The following ASH1L variants were observed in gnomAD, a reference collection of about 807,000 sequenced individuals.
ASH1L encodes the protein ASH1 like histone lysine methyltransferase.
A neutral mutation model predicts 269.0 loss-of-function variants in ASH1L; 23 were observed. That is an observed-to-expected ratio of 0.09 (90% CI 0.06 to 0.12). ASH1L has a LOEUF of 0.12. ASH1L is among the 10% of genes least tolerant of loss of function. ASH1L has a pLI of 1.00. For synonymous variants in ASH1L, 1,187 were observed against 1,253.5 expected, an observed-to-expected ratio of 0.95 and a Z score of 1.12; for missense variants, 2,912 against 3,567.8, an observed-to-expected ratio of 0.82 and a Z score of 4.68.
chr1:155,487,180 A>G (rs759935321), intron 2 of ASH1L, among the ~76,000 whole-genome samples: 3 of 152,200 alleles, frequency 2.0e-5, no homozygotes, highest in African/African-American at 2.4e-5. Flanking sequence ...GCAAACAAAC[A>G]TACAAAAAGC....
intron 1 of ASH1L, among the ~76,000 whole-genome samples, chr1:155,532,876 T>C (rs1297223072): frequency 6.7e-6 from 1 of 148,556 alleles, no homozygotes; most frequent in African/African-American, 2.5e-5. Context: ...TATGTGTATA[T>C]ATATGTATAT....
rs1665784246 is a variant in ASH1L, at chr1:155,479,267, A to G, written c.3603T>C (p.Ser1201=). The G allele has an allele frequency of 1.9e-6, 3 of 1,613,912 alleles. No individual in the cohort carries two copies. In the South Asian group the frequency reaches 3.3e-5, roughly 18 times the overall value. ...TGCTGTTATTATCTGTTCCAATTCC[A>G]CTATCACTGGGAATGGTCTCATCAC... The part of the protein sequence containing the change: ...SHSDETIPSD[S]GIGTDNNSTS... The change falls in exon 3 of 28, where the codon AGT becomes AGC. Residue 1201 remains serine (S), a synonymous_variant. Coordinates refer to ENST00000392403, the MANE Select transcript of ASH1L (RefSeq NM_018489.3).
At chr1:155,396,372 T>G (rs953554744) in intron 6 of ASH1L, 3 of 152,084 alleles carry the variant, frequency 2.0e-5, no homozygotes, top group African/African-American at 7.2e-5. Flanking sequence ...CGGAGTGCAA[T>G]GGTGTGATCT....
intron 4 of ASH1L, among the ~76,000 whole-genome samples, chr1:155,454,510 G>C (rs979275904): frequency 6.6e-6 from 1 of 152,172 alleles, no homozygotes; most frequent in African/African-American, 2.4e-5. Context: ...GCTCAGGCCT[G>C]TAATCCCAGC....
chr1:155,527,444 C>G (rs537596861), intron 1 of ASH1L, among the ~76,000 whole-genome samples: 1 of 151,826 alleles, frequency 6.6e-6, no homozygotes, highest in South Asian at 2.1e-4. Context: ...ATGATCAATT[C>G]TCAGTCCTCT....
intron 7 of ASH1L, among the ~76,000 whole-genome samples, chr1:155,389,907 T>C (rs1657775946): frequency 6.8e-6 from 1 of 148,104 alleles, no homozygotes; most frequent in Non-Finnish European, 1.5e-5. Flanking sequence ...TGTGGATCTC[T>C]TTGGATTTTT....
intron 1 of ASH1L, among the ~76,000 whole-genome samples, chr1:155,557,443 G>T (rs1000614779): frequency 1.3e-5 from 2 of 149,332 alleles, no homozygotes; most frequent in African/African-American, 5.0e-5. Flanking sequence ...TGTTTTTTGG[G>T]TTTTTTTTTT....
At chr1:155,399,037 A>C (rs1232088707) in intron 6 of ASH1L, among the ~76,000 whole-genome samples, 1 of 152,080 alleles carries the variant, frequency 6.6e-6, no homozygotes, top group Non-Finnish European at 1.5e-5. Flanking sequence ...CCAGCCTACA[A>C]ACTTTTCAGG....
rs1660188590 is a variant in ASH1L at position 155,416,132 on chromosome 1, AT to A, written c.5829-210del. ...CTACTAGATACTTAGAGAAAATTTT[AT>A]TTTATTTTATTTTTTGAGTCGGAAT... On this transcript the variant is annotated intron_variant, in intron 5 of 27. Transcript: ENST00000392403. Among the ~76,000 whole-genome samples, 3 of 38,144 alleles carry A rather than the reference AT, an allele frequency of 7.9e-5. No homozygotes were observed. The Admixed American group carries it at 1.3e-3, about 16-fold the overall frequency. The allele number at this position is 38,144 out of a possible 152,430, so 25.0% of individuals were successfully genotyped here.
chr1:155,474,139 T>C (rs1665348437), intron 3 of ASH1L, among the ~76,000 whole-genome samples: 1 of 152,220 alleles, frequency 6.6e-6, no homozygotes, highest in Non-Finnish European at 1.5e-5. Context: ...TGGTCTAGTA[T>C]GTCTTTTTAA....
chr1:155,409,980 A>G (rs897722179), intron 6 of ASH1L, among the ~76,000 whole-genome samples: 9 of 151,996 alleles, frequency 5.9e-5, no homozygotes, highest in Non-Finnish European at 4.4e-5. Context: ...AGCCTGGCCA[A>G]TATGTGAAAC....
chr1:155,465,602 TAA>T, intron 3 of ASH1L, among the ~76,000 whole-genome samples: 1 of 152,342 alleles, frequency 6.6e-6, no homozygotes, highest in South Asian at 2.1e-4. Context: ...TAATTTACTT[TAA>T]AAGTTTCTAA....
rs1295557508 is a variant in ASH1L, at chr1:155,478,292, C to T, written c.4578G>A (p.Glu1526=). The T allele has an allele frequency of 1.2e-6, 2 of 1,614,134 alleles. No individual in the cohort carries two copies. The highest frequency in any genetic ancestry group is 1.7e-6 in the Non-Finnish European group (2 of 1,180,026). ...GGTGCTTTTCCTTATGCTTATATCG[C>T]TCTCCAACAGCATCCTTTCCAAATC... ...RYRFGKDAVG[E]RYKHKEKHRC... Residue 1526 remains glutamate (E), a synonymous_variant, in exon 3 of 28, where the codon GAG becomes GAA. Transcript: ENST00000392403. The surrounding 1 kb of genome is among the most constrained non-coding windows in gnomAD (Gnocchi z 4.6).
chr1:155,537,650 C>A (rs116230930), intron 1 of ASH1L, among the ~76,000 whole-genome samples: 1 of 152,050 alleles, frequency 6.6e-6, no homozygotes, highest in South Asian at 2.1e-4. Context: ...AATCTAAATT[C>A]GAAAACGAAC....
rs1268497542 is a variant in ASH1L at position 155,342,097 on chromosome 1, G to A, written c.8299C>T (p.Pro2767Ser). Reference sequence around the variant, plus strand: ...ACATCTTGCTCCTTTACTCCTTTGGGTCTCCCTATGGGTCCAACCAGTGTT... The same window carrying A: ...ACATCTTGCTCCTTTACTCCTTTGGATCTCCCTATGGGTCCAACCAGTGTT... ...LDLYTYCKGR[P>S]KGVKEQDVYI... The change falls in exon 25 of 28, where the codon CCC becomes TCC. Residue 2767 changes from proline to serine, a missense_variant. This residue lies in a region of ASH1L where 179 missense variants were observed against 293.8 expected (regional missense o/e 0.61). Transcript: ENST00000392403. 1 of 1,613,958 alleles carries A rather than the reference G, an allele frequency of 6.2e-7. No individual in the cohort carries two copies. Among genetic ancestry groups the A allele is most frequent in the African/African-American group, 1.3e-5 (1 of 74,888 alleles).
At chr1:155,380,986 T>C (rs1268264732) in intron 7 of ASH1L, among the ~76,000 whole-genome samples, 1 of 152,020 alleles carries the variant, frequency 6.6e-6, no homozygotes, top group Non-Finnish European at 1.5e-5. Context: ...AATGTTTTAG[T>C]CAACAATGGA....
intron 1 of ASH1L, chr1:155,561,930 A>C: frequency 8.6e-6 from 4 of 466,404 alleles, no homozygotes; most frequent in Non-Finnish European, 1.5e-5. Flanking sequence ...CTTACTTCCC[A>C]GCCCCCTCCG....
chr1:155,336,126 CTCTTT>C lies in ASH1L; in HGVS notation c.*1529_*1533del, dbSNP rs1652292142. The C allele has an allele frequency of 6.6e-6, 1 of 152,424 alleles. No homozygotes were observed. Among genetic ancestry groups the C allele is most frequent in the South Asian group, 2.1e-4 (1 of 4,826 alleles). The allele number at this position is 152,424 out of a possible 1,614,324, so 9.4% of individuals were successfully genotyped here. On this transcript the variant is annotated 3_prime_UTR_variant, in exon 28 of 28. Transcript: ENST00000392403. Reference sequence around the variant, plus strand: ...CAAGGGGATCATTGGCATCCCCTCTCTCTTTTGTTTTTTCCTCAAGAATGACACAG... The same window carrying C: ...CAAGGGGATCATTGGCATCCCCTCTCTGTTTTTTCCTCAAGAATGACACAG...
Position 155,340,483 on chromosome 1 carries a change from G to A in ASH1L, c.8461-1115C>T, listed in dbSNP as rs189036588. On this transcript the variant is annotated intron_variant, in intron 25 of 27. Transcript: ENST00000392403. ...GGTGTGAGCCACCGCGCCTGGCCCT[G>A]GTTAGATTATTGCTAAGGATTCCAG... Among the ~76,000 whole-genome samples, 167 of 152,014 alleles carry A rather than the reference G, an allele frequency of 1.1e-3. 1 individual carries two copies. Among genetic ancestry groups the A allele is most frequent in the Non-Finnish European group, 1.9e-3 (128 of 67,946 alleles).
Sources: gnomAD v4.1 joint callset for allele counts (sites outside exome capture counted in the v4.1 genomes callset) on GRCh38, gnomAD v4.1.1 for gene constraint, gnomAD v4.1.1 regional missense constraint, Gnocchi (gnomAD v3.1) non-coding constraint, MANE v1.5 for transcripts, NCBI Gene and HGNC (gene_info 2026-07-23, HGNC 2026-07-21) for gene names.